The following GOLGA1 variants were observed in gnomAD, a reference collection of about 807,000 sequenced individuals.
The protein encoded by GOLGA1 is golgin A1, also known as golgin subfamily A member 1.
In GOLGA1, 63 loss-of-function variants were observed where a neutral mutation model predicts 119.7. The ratio of observed to expected loss-of-function variants is 0.53; its 90% CI spans 0.43 to 0.65. The LOEUF is 0.65. Among genes scored for constraint, GOLGA1 ranks in the 30% least tolerant of loss-of-function variants. The probability of loss-of-function intolerance (pLI) is 0.00; values close to 1 mark genes in which losing one functional copy is unlikely to be tolerated. For missense variants in GOLGA1, 798 were observed against 912.8 expected (o/e 0.87, Z 1.62); for synonymous variants, 318 against 333.4 (o/e 0.95, Z 0.50).
intron 12 of GOLGA1, among the ~76,000 whole-genome samples, chr9:124,903,621 C>T (rs1670969606): frequency 1.5e-5 from 2 of 137,692 alleles, no homozygotes; most frequent in Non-Finnish European, 3.1e-5. Flanking sequence ...TAGGGAGACC[C>T]TGTTCTCCAC....
chr9:124,924,932 T>A lies in GOLGA1; in HGVS notation c.433-1709A>T, dbSNP rs12349635. ...GTCTCTACTAAAAATATAAAAAAAT[T>A]AGCCAGGTGTGGTGGCGGGTGCCTG... On this transcript the variant is annotated intron_variant, in intron 7 of 22. Coordinates refer to ENST00000373555, the MANE Select transcript of GOLGA1 (RefSeq NM_002077.4). Among the ~76,000 whole-genome samples the A allele has an allele frequency of 4.3e-3, 657 of 151,910 alleles. 21 individuals carry two copies. Among genetic ancestry groups the A allele is most frequent in the Admixed American group, 0.04 (605 of 15,252 alleles).
At chr9:124,937,107 T>C (rs1308832680) in intron 3 of GOLGA1, among the ~76,000 whole-genome samples, 1 of 152,178 alleles carries the variant, frequency 6.6e-6, no homozygotes, top group East Asian at 1.9e-4. Flanking sequence ...ATACTTTACA[T>C]ATATATTACA....
At position 124,911,910 on chromosome 9, in the gene GOLGA1, G is replaced by C. The variant is rs1468342349; in HGVS notation, c.960C>G (p.Leu320=). The change falls in exon 11 of 23, where the codon CTC becomes CTG. Residue 320 remains leucine (L), a synonymous_variant. Transcript: ENST00000373555. ...AGAGAACAGAAGTTACCTCTTTCAGGAGTTCTTGCAAGTGTTCTTCTCCTG... is the reference window on the plus strand; with the variant it reads ...AGAGAACAGAAGTTACCTCTTTCAGCAGTTCTTGCAAGTGTTCTTCTCCTG... The part of the protein sequence containing the change: ...NLSGEEHLQE[L]LKEKTLAEQN... The C allele has an allele frequency of 5.0e-6, 8 of 1,612,240 alleles. No homozygotes were observed. The highest frequency in any genetic ancestry group is 6.8e-6 in the Non-Finnish European group (8 of 1,178,628).
At chr9:124,890,238 G>A in intron 16 of GOLGA1, 151 bp downstream of exon 16, 3 of 621,434 alleles carry the variant, frequency 4.8e-6, no homozygotes, top group South Asian at 3.9e-5. Context: ...GAGAGCACAG[G>A]GGCCCACGCA....
At position 124,878,300 on chromosome 9, in the gene GOLGA1, A is replaced by C. The variant is rs1393210214; in HGVS notation, c.*2230T>G. On this transcript the variant is annotated 3_prime_UTR_variant, in exon 23 of 23. Coordinates refer to ENST00000373555, the MANE Select transcript of GOLGA1 (RefSeq NM_002077.4). ...TTGGCCTTGGAGTGTTAAATATGAG[A>C]CACAAAATACCAGATTTAATGAGTC... 1 of 152,258 alleles carries C rather than the reference A, an allele frequency of 6.6e-6. No individual in the cohort carries two copies. Among genetic ancestry groups the C allele is most frequent in the African/African-American group, 2.4e-5 (1 of 41,454 alleles). The allele number at this position is 152,258 out of a possible 1,614,324, so 9.4% of individuals were successfully genotyped here.
At position 124,890,422 on chromosome 9, in the gene GOLGA1, C is replaced by T. The variant is rs750436692; in HGVS notation, c.1464G>A (p.Glu488=). 1.9e-6 allele frequency: 3 copies of T among 1,613,686 alleles called. No homozygotes were observed. The highest frequency in any genetic ancestry group is 2.7e-5 in the African/African-American group (2 of 74,932). ...VSVAMAQALE[E]VRKQREEFQQ... is the part of the protein sequence containing the mutation. ...GGAACTCTTCCCTTTGCTTCCGCAC[C>T]TCCTCCAGGGCTTGAGCCATGGCCA... The change falls in exon 16 of 23, where the codon GAG becomes GAA. Residue 488 remains glutamate, a synonymous_variant. Coordinates refer to ENST00000373555, the MANE Select transcript of GOLGA1 (RefSeq NM_002077.4).
At chr9:124,938,275 C>T (rs557355512) in intron 3 of GOLGA1, among the ~76,000 whole-genome samples, 1 of 151,948 alleles carries the variant, frequency 6.6e-6, no homozygotes, top group Non-Finnish European at 1.5e-5. Context: ...CAGGCCCAGA[C>T]ATTTTCAGAA....
At chr9:124,938,168 A>G (rs1287068818) in intron 3 of GOLGA1, among the ~76,000 whole-genome samples, 1 of 152,188 alleles carries the variant, frequency 6.6e-6, no homozygotes, top group Admixed American at 6.5e-5. Context: ...GTCCCAATAC[A>G]ACAATGCACT....
chr9:124,939,726 CTTATT>C (rs775253902), intron 2 of GOLGA1, among the ~76,000 whole-genome samples: 8 of 151,804 alleles, frequency 5.3e-5, no homozygotes, highest in Non-Finnish European at 1.2e-4. Flanking sequence ...CTATGCCCGG[CTTATT>C]TTATATTTTT....
chr9:124,906,746 CTG>C (rs910853394), intron 12 of GOLGA1, among the ~76,000 whole-genome samples: 2 of 151,980 alleles, frequency 1.3e-5, no homozygotes, highest in Non-Finnish European at 2.9e-5. Context: ...GAGCAAAACT[CTG>C]TCTCAAAAGA....
At chr9:124,916,604 T>C (rs1830449950) in intron 10 of GOLGA1, among the ~76,000 whole-genome samples, 1 of 152,118 alleles carries the variant, frequency 6.6e-6, no homozygotes, top group African/African-American at 2.4e-5. Context: ...CCAGGCAAAG[T>C]GGCTCATGCC....
chr9:124,898,540 G>C lies in GOLGA1; in HGVS notation c.1407+9C>G, dbSNP rs1830028752. The C allele has an allele frequency of 5.5e-6, 8 of 1,461,614 alleles. No homozygotes were observed. The highest frequency in any genetic ancestry group is 7.7e-6 in the Non-Finnish European group (8 of 1,043,720). 90.5% of individuals were successfully genotyped at this position (1,461,614 alleles called of 1,614,324 possible). ...CTTTTATGAAACTTTGATTCAATTA[G>C]ATAAATACCTTCAGCTTCTTTAGTT... On this transcript the variant is annotated intron_variant, in intron 15 of 22. Transcript: ENST00000373555.
intron 6 of GOLGA1, among the ~76,000 whole-genome samples, 182 bp downstream of exon 6, chr9:124,928,006 T>C (rs935332166): frequency 6.6e-6 from 1 of 152,238 alleles, no homozygotes; most frequent in African/African-American, 2.4e-5. Context: ...ACACATTTCA[T>C]GATTAGAACT....
At chr9:124,920,785 T>G (rs1219041707) in intron 10 of GOLGA1, among the ~76,000 whole-genome samples, 1 of 150,118 alleles carries the variant, frequency 6.7e-6, no homozygotes, top group Non-Finnish European at 1.5e-5. Context: ...AATACAAAAA[T>G]TAGCCGGGTG....
chr9:124,938,843 C>T lies in GOLGA1; in HGVS notation c.-132G>A. The T allele has an allele frequency of 4.6e-6, 3 of 650,988 alleles. No homozygotes were observed. Among genetic ancestry groups the T allele is most frequent in the South Asian group, 4.7e-5 (2 of 42,174 alleles). The allele number at this position is 650,988 out of a possible 1,614,324, so 40.3% of individuals were successfully genotyped here. A position where few individuals can be genotyped will look rare whatever the true frequency, so the allele number is the denominator to read the frequency against. On this transcript the variant is annotated 5_prime_UTR_variant, in exon 3 of 23. Coordinates refer to ENST00000373555, the MANE Select transcript of GOLGA1 (RefSeq NM_002077.4). ...GCTGCATTCCCACTTAAATGTGGGC[C>T]AAGGGCTTATGGCAACACAGGATCT...
rs541080302 is a variant in GOLGA1 at position 124,916,600 on chromosome 9, A to G, written c.843+4529T>C. ...AATTAAAAATCTTCACAAGCCAGGC[A>G]AAGTGGCTCATGCCTGTAATCCCAG... On this transcript the variant is annotated intron_variant, in intron 10 of 22. Coordinates refer to ENST00000373555, the MANE Select transcript of GOLGA1 (RefSeq NM_002077.4). Among the ~76,000 whole-genome samples, 36 of 152,256 alleles carry G rather than the reference A, an allele frequency of 2.4e-4. No homozygotes were observed. In the East Asian group the frequency reaches 6.6e-3, roughly 28 times the overall value.
chr9:124,928,203 T>C lies in GOLGA1; in HGVS notation c.384A>G (p.Leu128=), dbSNP rs762564979. The C allele has an allele frequency of 6.4e-7, 1 of 1,572,878 alleles. No individual in the cohort carries two copies. The highest frequency in any genetic ancestry group is 1.1e-5 in the South Asian group (1 of 89,776). ...TATAAAATACCTGGTCCTTTCTGGC[T>C]AATGCCAAAGCCAGTCCTTCTGCCA... ...AKMAEGLALA[L]ARKDQEWSEK... Residue 128 remains leucine, a synonymous_variant, in exon 6 of 23, where the codon TTA becomes TTG. Coordinates refer to ENST00000373555, the MANE Select transcript of GOLGA1 (RefSeq NM_002077.4).
intron 15 of GOLGA1, among the ~76,000 whole-genome samples, chr9:124,894,058 G>A (rs955717485): frequency 1.8e-4 from 28 of 152,146 alleles, no homozygotes; most frequent in African/African-American, 6.3e-4. Flanking sequence ...AACAAACTCA[G>A]TCTCGTCAAA....
Position 124,898,644 on chromosome 9 carries a change from T to G in GOLGA1, c.1312A>C (p.Arg438=), listed in dbSNP as rs1352211854. 5 of 1,581,688 alleles carry G rather than the reference T, an allele frequency of 3.2e-6. No individual in the cohort carries two copies. In the South Asian group the frequency reaches 5.5e-5, roughly 18 times the overall value. The stretch of plus-strand genomic sequence containing the variant: ...GCTGCATTTTCTTGCTCCAGTTGTC[T>G]CTGCCAATTCAGAAGAACACATATA... The part of the protein sequence containing the change: ...ADQTTAEQGM[R]QLEQENAALK... The change falls in exon 15 of 23, where the codon AGA becomes CGA. Residue 438 remains arginine (R), a splice_region_variant and synonymous_variant. Coordinates refer to ENST00000373555, the MANE Select transcript of GOLGA1 (RefSeq NM_002077.4).
Sources: allele counts gnomAD v4.1 joint callset (sites outside exome capture counted in the v4.1 genomes callset), GRCh38; gene constraint gnomAD v4.1.1; transcripts MANE v1.5; gene names NCBI Gene and HGNC (gene_info 2026-07-23, HGNC 2026-07-21).